NEK9: variants seen among roughly 807,000 people sequenced by gnomAD.
NEK9 encodes serine/threonine-protein kinase Nek9.
A neutral mutation model predicts 123.4 loss-of-function variants in NEK9; 75 were observed. The ratio of observed to expected loss-of-function variants is 0.61; its 90% CI spans 0.50 to 0.74. NEK9 has a LOEUF of 0.74. NEK9 is among the 30% of genes least tolerant of loss of function. The pLI is 0.00. For missense variants in NEK9, 952 were observed against 1,214.4 expected, an observed-to-expected ratio of 0.78 and a Z score of 3.21; for synonymous variants, 438 against 458.7, an observed-to-expected ratio of 0.95 and a Z score of 0.58.
In NEK9 at chr14:75,088,499, T is replaced by C; in HGVS notation, c.2585A>G (p.Lys862Arg). Reference sequence around the variant, plus strand: ...AGTTACCGAGGCTTCTACTTGGGGTTTGTGTTCCAAAGGAGCTTCAGAGGC... The same window carrying C: ...AGTTACCGAGGCTTCTACTTGGGGTCTGTGTTCCAAAGGAGCTTCAGAGGC... ...KVASEAPLEH[K>R]PQVEASSPRL... Residue 862 changes from lysine (K) to arginine (R), a missense_variant, in exon 20 of 22, where the codon AAA becomes AGA. Lys to Arg is a conservative substitution (Grantham distance 26). Transcript: ENST00000238616. 1 of 1,613,898 alleles carries C rather than the reference T, an allele frequency of 6.2e-7. No homozygotes were observed. Among genetic ancestry groups the C allele is most frequent in the Non-Finnish European group, 8.5e-7 (1 of 1,179,928 alleles).
chr14:75,123,994 T>C lies in NEK9; in HGVS notation c.397+52A>G, dbSNP rs1895428869. On this transcript the variant is annotated intron_variant, in intron 2 of 21. Transcript: ENST00000238616. The stretch of plus-strand genomic sequence containing the variant: ...TCTTATATTCTTCTCCTCAACGTAA[T>C]TATGAGTCTAAGAAAGTCTTGCTGG... 8 of 1,416,912 alleles carry C rather than the reference T, an allele frequency of 5.6e-6. No homozygotes were observed. The South Asian group carries it at 7.1e-5, about 13-fold the overall frequency. 87.8% of individuals were successfully genotyped at this position (1,416,912 alleles called of 1,614,324 possible). A position where few individuals can be genotyped will look rare whatever the true frequency, so the allele number is the denominator to read the frequency against.
Position 75,126,707 on chromosome 14 carries a change from G to C in NEK9, c.215C>G (p.Thr72Ser). The C allele has an allele frequency of 7.0e-7, 1 of 1,430,148 alleles. No homozygotes were observed. The highest frequency in any genetic ancestry group is 9.1e-7 in the Non-Finnish European group (1 of 1,094,710). 88.6% of individuals were successfully genotyped at this position (1,430,148 alleles called of 1,614,324 possible). ...AFGEATLYRR[T>S]EDDSLVVWKE... Reference sequence around the variant, plus strand: ...GCCGGCGCCGAGGGCCGCTACCTCGGTGCGGCGGTACAGCGTGGCTTCCCC... The same window carrying C: ...GCCGGCGCCGAGGGCCGCTACCTCGCTGCGGCGGTACAGCGTGGCTTCCCC... The change falls in exon 1 of 22, where the codon ACC becomes AGC. Residue 72 changes from threonine (T) to serine (S), a missense_variant. Thr to Ser is a moderately conservative substitution (Grantham distance 58). Coordinates refer to ENST00000238616, the MANE Select transcript of NEK9 (RefSeq NM_033116.6).
At position 75,119,446 on chromosome 14, in the gene NEK9, G is replaced by T. The variant is rs570759399; in HGVS notation, c.525-511C>A. 3.3e-5 allele frequency among the ~76,000 whole-genome samples: 5 copies of T among 152,316 alleles called. No homozygotes were observed. In the East Asian group the frequency reaches 9.6e-4, roughly 29 times the overall value. On this transcript the variant is annotated intron_variant, in intron 4 of 21. Transcript: ENST00000238616. ...GAAGTGGGGACTTTAAAGGAGTGAA[G>T]GCAGAGAATTAACTTCATCCTCTAG...
chr14:75,091,684 G>C (rs1894223177), intron 18 of NEK9: 6 of 442,610 alleles, frequency 1.4e-5, no homozygotes, highest in Admixed American at 8.6e-5. Flanking sequence ...TGTATATCAG[G>C]ATGCTCATAA....
intron 6 of NEK9, among the ~76,000 whole-genome samples, chr14:75,115,579 C>G (rs768461572): frequency 6.6e-6 from 1 of 152,158 alleles, no homozygotes; most frequent in Non-Finnish European, 1.5e-5. Flanking sequence ...AGAGAATCTC[C>G]GTGTGGGGAA....
At position 75,106,502 on chromosome 14, in the gene NEK9, C is replaced by T. The variant is rs1894781067; in HGVS notation, c.1528G>A (p.Gly510Arg). 1 of 1,613,682 alleles carries T rather than the reference C, an allele frequency of 6.2e-7. No homozygotes were observed. Among genetic ancestry groups the T allele is most frequent in the Admixed American group, 1.7e-5 (1 of 59,974 alleles). Residue 510 changes from glycine (G) to arginine (R), a missense_variant and splice_region_variant, in exon 12 of 22, where the codon GGA becomes AGA. By Grantham distance (125) the Gly-to-Arg change is moderately radical. Coordinates refer to ENST00000238616, the MANE Select transcript of NEK9 (RefSeq NM_033116.6). ...EVYSWGCGEY[G>R]RLGLDSEEDY... ...TGGACAGAGACAAGGCTACCCCTACCATATTCGCCACAGCCCCAAGAATAG... is the reference window on the plus strand; with the variant it reads ...TGGACAGAGACAAGGCTACCCCTACTATATTCGCCACAGCCCCAAGAATAG...
intron 14 of NEK9, among the ~76,000 whole-genome samples, chr14:75,102,433 C>T (rs879804171): frequency 7.9e-5 from 12 of 151,974 alleles, no homozygotes; most frequent in Non-Finnish European, 1.2e-4. Flanking sequence ...CTGCAAGCCC[C>T]GCCTCCCAGG....
Position 75,101,686 on chromosome 14 carries a change from G to T in NEK9, c.1811C>A (p.Pro604Gln). ...AATAGCAGCTGTGTGAGTCTTGCCT[G>T]GGGCAATGGTACGGATCTTATAAAA... ...LSFYKIRTIA[P>Q]GKTHTAAIDE... The change falls in exon 15 of 22, where the codon CCA becomes CAA. Residue 604 changes from proline to glutamine, a missense_variant. This residue lies in a region of NEK9 where 698 missense variants were observed against 875.6 expected (regional missense o/e 0.80). Transcript: ENST00000238616. 1 of 1,613,624 alleles carries T rather than the reference G, an allele frequency of 6.2e-7. No individual in the cohort carries two copies. Among genetic ancestry groups the T allele is most frequent in the Non-Finnish European group, 8.5e-7 (1 of 1,179,546 alleles).
In NEK9 at chr14:75,121,171, C is replaced by T; in HGVS notation, c.401G>A (p.Gly134Glu). The T allele has an allele frequency of 6.2e-7, 1 of 1,612,998 alleles. No homozygotes were observed. The highest frequency in any genetic ancestry group is 8.5e-7 in the Non-Finnish European group (1 of 1,178,996). The stretch of plus-strand genomic sequence containing the variant: ...ACGAAGGATTTTGTCATACAGGTTC[C>T]CTCCTGCAATTAAACAAGACACAGA... ...LLIELEYCNG[G>E]NLYDKILRQK... is the part of the protein sequence containing the mutation. Residue 134 changes from glycine to glutamate, a missense_variant, in exon 3 of 22, where the codon GGG becomes GAG. Around this residue, in one of 4 missense-constraint regions of NEK9, gnomAD observed 106 missense variants for 153.0 expected, o/e 0.69. Transcript: ENST00000238616.
chr14:75,090,244 C>T (rs1894169693), intron 19 of NEK9, among the ~76,000 whole-genome samples: 1 of 150,298 alleles, frequency 6.7e-6, no homozygotes, highest in Admixed American at 6.6e-5. Flanking sequence ...TCCCAAAGTG[C>T]TGGAATTACA....
chr14:75,091,728 T>C (rs1894224930), intron 18 of NEK9: 1 of 401,506 alleles, frequency 2.5e-6, no homozygotes, highest in Non-Finnish European at 4.4e-6. Context: ...ACTTTGTTTA[T>C]CTTGTATCCA....
chr14:75,114,064 A>G, intron 7 of NEK9, 139 bp downstream of exon 7: 2 of 595,122 alleles, frequency 3.4e-6, no homozygotes, highest in Non-Finnish European at 6.1e-6. Context: ...ACCAATACCT[A>G]TTCTGGGTAT....
At chr14:75,108,047 T>C (rs1344256496) in intron 10 of NEK9, among the ~76,000 whole-genome samples, 1 of 152,158 alleles carries the variant, frequency 6.6e-6, no homozygotes, top group Non-Finnish European at 1.5e-5. Context: ...CCCTGAAACA[T>C]GGAAGAGTTA....
At chr14:75,119,561 C>T (rs1895256333) in intron 4 of NEK9, among the ~76,000 whole-genome samples, 1 of 152,100 alleles carries the variant, frequency 6.6e-6, no homozygotes, top group Non-Finnish European at 1.5e-5. Flanking sequence ...CTCTAGGTAA[C>T]CATAATTCCC....
chr14:75,118,006 T>A (rs1328797152), intron 5 of NEK9, among the ~76,000 whole-genome samples: 2 of 152,188 alleles, frequency 1.3e-5, no homozygotes, highest in Non-Finnish European at 2.9e-5. Context: ...TTCATATCAT[T>A]CCTTCTTTGC....
At chr14:75,097,692 T>C (rs976380043) in intron 16 of NEK9, among the ~76,000 whole-genome samples, 5 of 152,090 alleles carry the variant, frequency 3.3e-5, no homozygotes, top group Admixed American at 6.5e-5. Context: ...ATAAATGCTA[T>C]GAAGATAAAT....
At chr14:75,104,082 TGCTG>T in intron 13 of NEK9, 85 bp from the exon 14 acceptor site, 1 of 1,373,362 alleles carries the variant, frequency 7.3e-7, no homozygotes, top group Non-Finnish European at 9.9e-7. Flanking sequence ...AAAAGAGACA[TGCTG>T]CATTTAGCAG....
Position 75,099,872 on chromosome 14 carries a change from T to C in NEK9, c.2002+1120A>G, listed in dbSNP as rs140511183. Among the ~76,000 whole-genome samples, 126 of 151,100 alleles carry C rather than the reference T, an allele frequency of 8.3e-4. 4 individuals are homozygous for C. In the East Asian group the frequency reaches 0.02, roughly 24 times the overall value. On this transcript the variant is annotated intron_variant, in intron 16 of 21. Transcript: ENST00000238616. The stretch of plus-strand genomic sequence containing the variant: ...AGGACCAGGTGCAGTGGCTCACACC[T>C]GTAATCCCAGCACTCTGGCAGGCCG...
Position 75,115,236 on chromosome 14 carries a change from C to T in NEK9, c.763-923G>A, listed in dbSNP as rs998979957. Among the ~76,000 whole-genome samples the T allele has an allele frequency of 2.6e-5, 4 of 152,304 alleles. No individual in the cohort carries two copies. In the East Asian group the frequency reaches 5.8e-4, roughly 22 times the overall value. On this transcript the variant is annotated intron_variant, in intron 6 of 21. Coordinates refer to ENST00000238616, the MANE Select transcript of NEK9 (RefSeq NM_033116.6). ...GTTCAAGTGATGCTTGTGCCTCAGC[C>T]TCCTGAGTAGCTGGGATTACGGGCA... is the stretch of plus-strand genomic sequence containing the variant.
Sources: gnomAD v4.1 joint callset for allele counts (sites outside exome capture counted in the v4.1 genomes callset) on GRCh38, gnomAD v4.1.1 for gene constraint, gnomAD v4.1.1 regional missense constraint, MANE v1.5 for transcripts, NCBI Gene and HGNC (gene_info 2026-07-23, HGNC 2026-07-21) for gene names.